Variants in OPRM1 observed in about 807,000 individuals in gnomAD.
OPRM1 encodes mu-type opioid receptor.
Under a neutral mutation model 31.8 loss-of-function variants are expected in OPRM1, and 27 were observed. The observed-to-expected ratio is 0.85, with a 90% confidence interval of 0.63 to 1.17. OPRM1 has a LOEUF of 1.17. Among genes scored for constraint, OPRM1 ranks in the 50% most tolerant of loss-of-function variants. The pLI, the probability that OPRM1 is intolerant of heterozygous loss-of-function variation, is 0.00. For missense variants in OPRM1, 536 were observed against 511.1 expected, an observed-to-expected ratio of 1.05 and a Z score of -0.47; for synonymous variants, 196 against 189.9, an observed-to-expected ratio of 1.03 and a Z score of -0.26.
chr6:154,223,944 T>C (rs539837255), intron 3 of OPRM1, among the ~76,000 whole-genome samples: 1 of 152,318 alleles, frequency 6.6e-6, no homozygotes, highest in South Asian at 2.1e-4. Context: ...TAAATGTCAC[T>C]TTACATCACC....
chr6:154,171,264 G>A (rs1301709539), intron 3 of OPRM1, among the ~76,000 whole-genome samples: 1 of 152,122 alleles, frequency 6.6e-6, no homozygotes, highest in Non-Finnish European at 1.5e-5. Context: ...ATTTGCATGT[G>A]ACAGAATAGT....
intron 3 of OPRM1, among the ~76,000 whole-genome samples, chr6:154,194,900 C>CA (rs977687911): frequency 1.3e-5 from 2 of 152,072 alleles, no homozygotes; most frequent in African/African-American, 4.8e-5. Flanking sequence ...TTCCCAACAT[C>CA]AAATGATACT....
chr6:154,020,538 A>C (rs1460753251), intron 1 of OPRM1, among the ~76,000 whole-genome samples: 1 of 152,246 alleles, frequency 6.6e-6, no homozygotes. Flanking sequence ...TTTGTAAAGA[A>C]GGTTTGTTTG....
intron 3 of OPRM1, among the ~76,000 whole-genome samples, chr6:154,174,592 T>C (rs748832128): frequency 1.3e-5 from 2 of 152,108 alleles, no homozygotes; most frequent in Non-Finnish European, 2.9e-5. Context: ...TACATAATGG[T>C]AAAGAGCTCA....
intron 3 of OPRM1, among the ~76,000 whole-genome samples, chr6:154,152,985 C>T (rs1008448837): frequency 1.8e-4 from 27 of 151,916 alleles, no homozygotes; most frequent in Non-Finnish European, 1.0e-4. Context: ...GCAATCCTCC[C>T]GCCTCAGCCT....
intron 1 of OPRM1, among the ~76,000 whole-genome samples, chr6:154,063,012 A>G (rs922300638): frequency 6.6e-6 from 1 of 152,044 alleles, no homozygotes; most frequent in Admixed American, 6.6e-5. Context: ...CTGTTGTGCT[A>G]TTATTAAACA....
intron 3 of OPRM1, among the ~76,000 whole-genome samples, chr6:154,229,193 G>A (rs190666497): frequency 6.6e-6 from 1 of 152,250 alleles, no homozygotes; most frequent in African/African-American, 2.4e-5. Flanking sequence ...GGAAATAACT[G>A]TGTTGTTCAT....
chr6:154,048,629 T>G (rs146483266), intron 1 of OPRM1, among the ~76,000 whole-genome samples: 1 of 152,334 alleles, frequency 6.6e-6, no homozygotes, highest in Non-Finnish European at 1.5e-5. Flanking sequence ...GCAATTCAGA[T>G]GTACCTCAAA....
chr6:154,105,954 AT>A (rs1055604911), intron 3 of OPRM1, among the ~76,000 whole-genome samples: 5 of 152,166 alleles, frequency 3.3e-5, no homozygotes, highest in African/African-American at 1.2e-4. Flanking sequence ...AACCATTTAC[AT>A]TTTTTTGTGT....
intron 3 of OPRM1, among the ~76,000 whole-genome samples, chr6:154,176,515 C>T (rs749388023): frequency 3.3e-5 from 5 of 152,116 alleles, no homozygotes; most frequent in Non-Finnish European, 7.4e-5. Flanking sequence ...CACAAGCATT[C>T]CAATACACCA....
In OPRM1 at chr6:154,168,107, G is replaced by A; in HGVS notation, c.1164+76635G>A. The A allele has an allele frequency of 6.5e-7, 1 of 1,527,880 alleles. No individual in the cohort carries two copies. Among genetic ancestry groups the A allele is most frequent in the Non-Finnish European group, 8.9e-7 (1 of 1,129,490 alleles). The allele number at this position is 1,527,880 out of a possible 1,614,324, so 94.6% of individuals were successfully genotyped here. On this transcript the variant is annotated intron_variant, in intron 3 of 3. Coordinates refer to the OPRM1 transcript ENST00000337049. This position sits in a 1 kb window ranked among gnomAD's most constrained non-coding sequence, Gnocchi z 4.1. ...CATTTCATCATCTTCAGACACTTTT[G>A]TCTCTTCTATTTGAAAAAAAAAAAG...
At chr6:154,022,054 C>T (rs1278038936) in intron 1 of OPRM1, among the ~76,000 whole-genome samples, 9 of 152,164 alleles carry the variant, frequency 5.9e-5, no homozygotes, top group African/African-American at 2.2e-4. Flanking sequence ...TGCCTTGCTC[C>T]TTATCTTAGT....
At chr6:154,216,234 T>G (rs1778382017) in intron 3 of OPRM1, among the ~76,000 whole-genome samples, 1 of 152,090 alleles carries the variant, frequency 6.6e-6, no homozygotes, top group Admixed American at 6.5e-5. Flanking sequence ...AATGGATAAA[T>G]AAATTATTTA....
chr6:154,059,459 A>T (rs1369989323), intron 1 of OPRM1, among the ~76,000 whole-genome samples: 3 of 152,168 alleles, frequency 2.0e-5, no homozygotes, highest in Non-Finnish European at 4.4e-5. Context: ...TGGTCAAGAG[A>T]CAGCCACTCT....
chr6:154,090,480 C>T (rs1791845868), intron 2 of OPRM1, among the ~76,000 whole-genome samples: 1 of 152,078 alleles, frequency 6.6e-6, no homozygotes, highest in African/African-American at 2.4e-5. Context: ...AGCTTAAACC[C>T]AAAGAGTATT....
At chr6:154,210,829 T>C (rs1777897881) in intron 3 of OPRM1, among the ~76,000 whole-genome samples, 1 of 152,214 alleles carries the variant, frequency 6.6e-6, no homozygotes, top group African/African-American at 2.4e-5. Context: ...TAATAGATAG[T>C]TTAATAAACA....
At chr6:154,100,076 T>G in intron 3 of OPRM1, among the ~76,000 whole-genome samples, 1 of 123,868 alleles carries the variant, frequency 8.1e-6, no homozygotes, top group Non-Finnish European at 1.6e-5. Flanking sequence ...ATGATATATA[T>G]CATATTATAT....
intron 3 of OPRM1, among the ~76,000 whole-genome samples, chr6:154,141,453 A>G (rs1798208112): frequency 6.6e-6 from 1 of 152,164 alleles, no homozygotes; most frequent in African/African-American, 2.4e-5. Flanking sequence ...TGTGGTCTGA[A>G]GTCGGCAGAG....
In OPRM1 at chr6:154,121,017, C is replaced by T. The variant is rs1797270013; in HGVS notation, c.*2296C>T. On this transcript the variant is annotated 3_prime_UTR_variant, in exon 4 of 4. Coordinates refer to ENST00000330432, the MANE Select transcript of OPRM1 (RefSeq NM_000914.5). ...AAAACCATTTTTTAACGTAAATTTG[C>T]TAGAACCACCTTCCAATTCCAAGGC... Among the ~76,000 whole-genome samples the T allele has an allele frequency of 6.6e-6, 1 of 152,106 alleles. No homozygotes were observed.
Sources: allele counts gnomAD v4.1 joint callset (sites outside exome capture counted in the v4.1 genomes callset), GRCh38; gene constraint gnomAD v4.1.1; non-coding constraint Gnocchi (gnomAD v3.1); transcripts MANE v1.5; gene names NCBI Gene and HGNC (gene_info 2026-07-23, HGNC 2026-07-21).